LMO1: variants seen among roughly 807,000 people sequenced by gnomAD.
LMO1 encodes the protein LIM domain only 1.
LMO1 carries 10 observed loss-of-function variants against 18.0 expected under a neutral mutation model. That is an observed-to-expected ratio of 0.55 (90% confidence interval 0.34 to 0.94). The LOEUF is 0.94. Ranked by LOEUF, LMO1 falls within the 40% of genes least tolerant of loss-of-function variation. LMO1 has a pLI of 0.02. For missense variants in LMO1, 183 were observed against 205.7 expected, an observed-to-expected ratio of 0.89 and a Z score of 0.68; for synonymous variants, 77 against 77.9, an observed-to-expected ratio of 0.99 and a Z score of 0.06.
At position 8,224,624 on chromosome 11, in the gene LMO1, C is replaced by T. The variant is rs1271798003; in HGVS notation, c.463G>A (p.Val155Ile). 6.2e-7 allele frequency: 1 copy of T among 1,602,370 alleles called. No homozygotes were observed. The highest frequency in any genetic ancestry group is 8.5e-7 in the Non-Finnish European group (1 of 1,172,762). ...GQLNGTFESQ[V>I]Q ...AGGCCAGGCGCCGGGCGTTACTGAA[C>T]TTGGGATTCAAAGGTGCCATTGAGC... is the stretch of plus-strand genomic sequence containing the variant. The change falls in exon 4 of 4, where the codon GTT becomes ATT. Residue 155 changes from valine (V) to isoleucine (I), a missense_variant. Coordinates refer to ENST00000335790, the MANE Select transcript of LMO1 (RefSeq NM_002315.3).
At chr11:8,257,088 A>G (rs956748555) in intron 1 of LMO1, among the ~76,000 whole-genome samples, 1 of 152,220 alleles carries the variant, frequency 6.6e-6, no homozygotes, top group Non-Finnish European at 1.5e-5. Context: ...TCCATGGTAC[A>G]AATACTCCCA....
intron 1 of LMO1, among the ~76,000 whole-genome samples, chr11:8,253,066 G>A (rs1483820924): frequency 6.6e-6 from 1 of 152,236 alleles, no homozygotes; most frequent in Non-Finnish European, 1.5e-5. Flanking sequence ...CTAGAGCACA[G>A]GCCTTGATGT....
chr11:8,249,046 G>A (rs1846943157), intron 1 of LMO1, among the ~76,000 whole-genome samples: 1 of 152,212 alleles, frequency 6.6e-6, no homozygotes, highest in Non-Finnish European at 1.5e-5. Flanking sequence ...CTTCCCTGGA[G>A]CTCAACTCCA....
intron 1 of LMO1, among the ~76,000 whole-genome samples, chr11:8,262,670 C>CTT (rs1236498490): frequency 6.6e-6 from 1 of 152,244 alleles, no homozygotes. Flanking sequence ...CGGCGGGACA[C>CTT]TTTCTTCCTC....
chr11:8,239,941 T>C (rs113067917), intron 1 of LMO1, among the ~76,000 whole-genome samples: 44 of 152,294 alleles, frequency 2.9e-4, no homozygotes, highest in African/African-American at 1.1e-3. Flanking sequence ...CATATGCTTG[T>C]CATGACCCTG....
At chr11:8,251,058 A>C (rs379951) in intron 1 of LMO1, among the ~76,000 whole-genome samples, 1 of 151,914 alleles carries the variant, frequency 6.6e-6, no homozygotes, top group African/African-American at 2.4e-5. Context: ...TGTGTGTCCC[A>C]ACCCCAGAAG....
At chr11:8,226,935 C>T (rs2290450) in intron 3 of LMO1, 40 bp downstream of exon 3, 359,923 of 1,583,774 alleles carry the variant, frequency 0.23, 44,045 homozygotes, top group Non-Finnish European at 0.25. Context: ...CTCAGGCTGG[C>T]GTCTGGGGAG....
chr11:8,254,565 G>A (rs925271814), intron 1 of LMO1, among the ~76,000 whole-genome samples: 3 of 148,350 alleles, frequency 2.0e-5, no homozygotes, highest in Non-Finnish European at 3.0e-5. Context: ...GGCTTTGCAG[G>A]ACAGAGAGGA....
At chr11:8,264,011 G>A (rs1847234671), upstream of LMO1, 1 of 255,932 alleles carries the variant, frequency 3.9e-6, no homozygotes, top group Non-Finnish European at 6.1e-6. Flanking sequence ...GTCCTAGCTC[G>A]GTGAGCGTCT....
chr11:8,230,664 C>T (rs533182664), intron 1 of LMO1, among the ~76,000 whole-genome samples, 160 bp from the exon 2 acceptor site: 2 of 152,300 alleles, frequency 1.3e-5, no homozygotes, highest in East Asian at 3.9e-4. Context: ...ACCTCCTCCC[C>T]TGGCTCCGGG....
chr11:8,243,616 C>A (rs1264953131), intron 1 of LMO1, among the ~76,000 whole-genome samples: 1 of 152,230 alleles, frequency 6.6e-6, no homozygotes, highest in Non-Finnish European at 1.5e-5. Flanking sequence ...AGCACAGAGT[C>A]TGCAGCCAGG....
intron 1 of LMO1, among the ~76,000 whole-genome samples, chr11:8,233,854 G>A (rs1952715291): frequency 6.6e-6 from 1 of 152,118 alleles, no homozygotes. Context: ...ATCCATTTTA[G>A]TGTTATCTAA....
At position 8,263,504 on chromosome 11, in the gene LMO1, A is replaced by T; in HGVS notation, c.-142T>A. 2 of 1,449,520 alleles carry T rather than the reference A, an allele frequency of 1.4e-6. No homozygotes were observed. Among genetic ancestry groups the T allele is most frequent in the South Asian group, 2.8e-5 (2 of 70,514 alleles). 89.8% of individuals were successfully genotyped at this position (1,449,520 alleles called of 1,614,324 possible). ...TTGTCCGGCTCTTAACCTAGATTGC[A>T]CTCAGCTAGAATTACATTCAGGAGT... On this transcript the variant is annotated 5_prime_UTR_variant, in exon 1 of 4. Transcript: ENST00000335790.
intron 1 of LMO1, among the ~76,000 whole-genome samples, chr11:8,236,293 C>T (rs978647054): frequency 2.6e-5 from 4 of 151,806 alleles, no homozygotes; most frequent in Non-Finnish European, 4.4e-5. Context: ...CCGGCTTAAG[C>T]GATCCTCCTA....
chr11:8,251,863 ATGTG>A (rs1847002058), intron 1 of LMO1, among the ~76,000 whole-genome samples: 1 of 31,138 alleles, frequency 3.2e-5, no homozygotes, highest in Non-Finnish European at 6.2e-5. Context: ...GTGTGTGTGA[ATGTG>A]TGTGAGTGTG....
At chr11:8,260,076 C>T (rs1271273519) in intron 1 of LMO1, among the ~76,000 whole-genome samples, 2 of 152,142 alleles carry the variant, frequency 1.3e-5, no homozygotes, top group Non-Finnish European at 2.9e-5. Context: ...CCAGCATCCC[C>T]AGCTGGATGC....
chr11:8,252,023 T>G, intron 1 of LMO1, among the ~76,000 whole-genome samples: 1 of 152,016 alleles, frequency 6.6e-6, no homozygotes, highest in South Asian at 2.1e-4. Context: ...TGTGAGTGTG[T>G]GTGTGAGCAT....
chr11:8,224,443 A>C lies in LMO1; in HGVS notation c.*173T>G. ...CCTGGCCCCAGGAGGGGTCACACAC[A>C]GACGGGCGGTGGTGGAGGAGGAAGG... On this transcript the variant is annotated 3_prime_UTR_variant, in exon 4 of 4. Coordinates refer to ENST00000335790, the MANE Select transcript of LMO1 (RefSeq NM_002315.3). The C allele has an allele frequency of 3.4e-6, 2 of 593,748 alleles. No homozygotes were observed. The highest frequency in any genetic ancestry group is 4.5e-4 in the Middle Eastern group (1 of 2,226). 36.8% of individuals were successfully genotyped at this position (593,748 alleles called of 1,614,324 possible).
At chr11:8,262,662 G>A (rs1284297658) in intron 1 of LMO1, among the ~76,000 whole-genome samples, 1 of 152,242 alleles carries the variant, frequency 6.6e-6, no homozygotes, top group Non-Finnish European at 1.5e-5. Flanking sequence ...CCGGCCGGCG[G>A]CGGGACACTT....
Sources: allele counts gnomAD v4.1 joint callset (sites outside exome capture counted in the v4.1 genomes callset), GRCh38; gene constraint gnomAD v4.1.1; transcripts MANE v1.5; gene names NCBI Gene and HGNC (gene_info 2026-07-23, HGNC 2026-07-21).